Variants in CPEB3 observed in about 807,000 individuals in gnomAD.
The protein encoded by CPEB3 is cytoplasmic polyadenylation element binding protein 3.
CPEB3 carries 20 observed loss-of-function variants against 67.2 expected under a neutral mutation model. The observed-to-expected ratio is 0.30, with a 90% CI of 0.21 to 0.43. CPEB3 has a LOEUF of 0.43. Among genes scored for constraint, CPEB3 ranks in the 20% least tolerant of loss-of-function variants. CPEB3 has a pLI of 1.00. For synonymous variants in CPEB3, 376 were observed against 393.1 expected, an observed-to-expected ratio of 0.96 and a Z score of 0.51; for missense variants, 746 against 968.6, an observed-to-expected ratio of 0.77 and a Z score of 3.05.
chr10:92,189,987 G>C (rs530645022), intron 3 of CPEB3, among the ~76,000 whole-genome samples: 26 of 151,908 alleles, frequency 1.7e-4, no homozygotes, highest in African/African-American at 5.6e-4. Flanking sequence ...ACAAAAACCA[G>C]TTACTCTGGG....
intron 2 of CPEB3, among the ~76,000 whole-genome samples, chr10:92,208,904 T>C (rs1386748701): frequency 6.6e-6 from 1 of 152,090 alleles, no homozygotes; most frequent in East Asian, 1.9e-4. Context: ...GAGAGCTTTT[T>C]TTGACTCCTC....
rs532617582 is a variant in CPEB3, at chr10:92,072,452, C to T, written c.1869+8868G>A. Reference sequence around the variant, plus strand: ...CAGGCTCAGCAATAATACAAATCAACATCTGCCTGTTCAGCCTAGTAACTT... The same window carrying T: ...CAGGCTCAGCAATAATACAAATCAATATCTGCCTGTTCAGCCTAGTAACTT... On this transcript the variant is annotated intron_variant, in intron 9 of 9. Transcript: ENST00000265997. Among the ~76,000 whole-genome samples the T allele has an allele frequency of 2.0e-5, 3 of 152,284 alleles. No homozygotes were observed. The South Asian group carries it at 6.2e-4, about 32-fold the overall frequency.
intron 6 of CPEB3, among the ~76,000 whole-genome samples, chr10:92,132,242 A>T (rs1845876412): frequency 6.6e-6 from 1 of 152,168 alleles, no homozygotes; most frequent in Admixed American, 6.6e-5. Context: ...ATCAATATTC[A>T]ATTCTAAGAA....
intron 4 of CPEB3, among the ~76,000 whole-genome samples, chr10:92,170,699 G>A (rs181953473): frequency 1.7e-3 from 260 of 152,262 alleles, no homozygotes; most frequent in Non-Finnish European, 2.3e-3. Context: ...GAAAGAGAGG[G>A]TGGGAAGGAG....
intron 6 of CPEB3, among the ~76,000 whole-genome samples, chr10:92,134,872 C>A (rs1400907057): frequency 2.6e-5 from 4 of 151,816 alleles, no homozygotes; most frequent in Admixed American, 1.3e-4. Context: ...CATCTACAAC[C>A]ATCTGATCTT....
intron 2 of CPEB3, among the ~76,000 whole-genome samples, chr10:92,207,253 A>G (rs1590388383): frequency 6.6e-6 from 1 of 152,192 alleles, no homozygotes; most frequent in East Asian, 1.9e-4. Context: ...AAAGTGCTGG[A>G]ATTACAGGCA....
At chr10:92,186,377 G>A (rs888988554) in intron 3 of CPEB3, among the ~76,000 whole-genome samples, 4 of 151,808 alleles carry the variant, frequency 2.6e-5, no homozygotes, top group African/African-American at 9.7e-5. Context: ...GTTACACAGC[G>A]AGACCCTGTC....
chr10:92,232,381 C>T (rs1198097079), intron 2 of CPEB3, among the ~76,000 whole-genome samples: 3 of 151,962 alleles, frequency 2.0e-5, no homozygotes, highest in African/African-American at 7.3e-5. Context: ...TTGATACCTG[C>T]AGATCAAAAC....
At chr10:92,231,157 A>G (rs1851248950) in intron 2 of CPEB3, among the ~76,000 whole-genome samples, 1 of 152,176 alleles carries the variant, frequency 6.6e-6, no homozygotes, top group Admixed American at 6.6e-5. Flanking sequence ...TTAGTGTGAC[A>G]TGTCTATATA....
chr10:92,053,951 A>T (rs1842017386), intron 9 of CPEB3, among the ~76,000 whole-genome samples: 1 of 151,770 alleles, frequency 6.6e-6, no homozygotes. Context: ...CTCCCAAAGT[A>T]CTGGGATTAC....
intron 1 of CPEB3, among the ~76,000 whole-genome samples, chr10:92,287,437 C>T (rs1424757955): frequency 6.6e-6 from 1 of 151,984 alleles, no homozygotes; most frequent in Non-Finnish European, 1.5e-5. Context: ...AAATGTAAGA[C>T]CACAAAAAAC....
rs1179051100 is a variant in CPEB3 at position 92,051,848 on chromosome 10, A to G, written c.*364T>C. ...TGCTCCAGTTCAAAACAATCAGAAC[A>G]ACACCACAACAACAAACAAAAGAAT... On this transcript the variant is annotated 3_prime_UTR_variant, in exon 10 of 10. Transcript: ENST00000265997. 1 of 183,512 alleles carries G rather than the reference A, an allele frequency of 5.4e-6. No individual in the cohort carries two copies. Among genetic ancestry groups the G allele is most frequent in the African/African-American group, 2.4e-5 (1 of 42,264 alleles). 11.4% of individuals were successfully genotyped at this position (183,512 alleles called of 1,614,324 possible). A position where few individuals can be genotyped will look rare whatever the true frequency, so the allele number is the denominator to read the frequency against.
At chr10:92,167,957 C>A (rs2133995949) in intron 4 of CPEB3, among the ~76,000 whole-genome samples, 1 of 151,726 alleles carries the variant, frequency 6.6e-6, no homozygotes, top group South Asian at 2.1e-4. Context: ...TCACTGATCA[C>A]AAATCACCAT....
At chr10:92,275,840 C>CTTTTTTTT (rs982965337) in intron 1 of CPEB3, among the ~76,000 whole-genome samples, 1 of 130,708 alleles carries the variant, frequency 7.7e-6, no homozygotes, top group Non-Finnish European at 1.7e-5. Flanking sequence ...GTACTTCATT[C>CTTTTTTTT]TTTTCTTTTT....
At chr10:92,152,885 G>A (rs191177948) in intron 4 of CPEB3, among the ~76,000 whole-genome samples, 3 of 152,200 alleles carry the variant, frequency 2.0e-5, no homozygotes, top group Admixed American at 2.0e-4. Flanking sequence ...ACCACATCTG[G>A]AGTCTAGTAC....
chr10:92,207,067 G>T (rs1849827500), intron 2 of CPEB3, among the ~76,000 whole-genome samples: 1 of 151,880 alleles, frequency 6.6e-6, no homozygotes, highest in African/African-American at 2.4e-5. Context: ...CTAATAGTCT[G>T]GACCTTCCAG....
At chr10:92,095,655 T>C (rs866336914) in intron 7 of CPEB3, among the ~76,000 whole-genome samples, 36 of 149,062 alleles carry the variant, frequency 2.4e-4, no homozygotes, top group Non-Finnish European at 2.1e-4. Flanking sequence ...ATATATATAC[T>C]TCATTGTAAT....
chr10:92,194,101 T>C (rs1849117786), intron 2 of CPEB3, among the ~76,000 whole-genome samples: 1 of 150,702 alleles, frequency 6.6e-6, no homozygotes, highest in African/African-American at 2.4e-5. Context: ...CGGCCTACCT[T>C]TAACATTTCT....
chr10:92,084,010 C>T (rs1440155259), intron 8 of CPEB3, among the ~76,000 whole-genome samples: 4 of 151,874 alleles, frequency 2.6e-5, no homozygotes, highest in South Asian at 2.1e-4. Flanking sequence ...GGTGAAACCC[C>T]GTCTCTACTA....
Sources: allele counts gnomAD v4.1 joint callset (sites outside exome capture counted in the v4.1 genomes callset), GRCh38; gene constraint gnomAD v4.1.1; transcripts MANE v1.5; gene names NCBI Gene and HGNC (gene_info 2026-07-23, HGNC 2026-07-21).